The following TDRD12 variants were observed in gnomAD, a reference collection of about 807,000 sequenced individuals.
TDRD12 encodes putative ATP-dependent RNA helicase TDRD12.
TDRD12 carries 158 observed loss-of-function variants against 133.5 expected under a neutral mutation model. That is an observed-to-expected ratio of 1.18 (90% CI 1.04 to 1.35). TDRD12 has a LOEUF of 1.35. Among genes scored for constraint, TDRD12 ranks in the 40% most tolerant of loss-of-function variants. TDRD12 has a pLI of 0.00. For missense variants in TDRD12, 1,443 were observed against 1,321.3 expected, an observed-to-expected ratio of 1.09 and a Z score of -1.43; for synonymous variants, 460 against 477.9, an observed-to-expected ratio of 0.96 and a Z score of 0.49.
At chr19:32,819,314 C>CA (rs57431026) in intron 27 of TDRD12, among the ~76,000 whole-genome samples, 32,346 of 134,986 alleles carry the variant, frequency 0.24, 3,835 homozygotes, top group East Asian at 0.45. Flanking sequence ...GACCTTGTCT[C>CA]AAAAAAAAAA....
intron 4 of TDRD12, among the ~76,000 whole-genome samples, chr19:32,743,715 A>G (rs1969505280): frequency 6.6e-6 from 1 of 151,680 alleles, no homozygotes; most frequent in Non-Finnish European, 1.5e-5. Flanking sequence ...ATACTGTCCT[A>G]TTTGCAGAAT....
chr19:32,820,282 C>T (rs1056874920), intron 27 of TDRD12, among the ~76,000 whole-genome samples: 3 of 152,084 alleles, frequency 2.0e-5, no homozygotes, highest in South Asian at 4.1e-4. Context: ...TGTGTTTGCT[C>T]ATTTAGGCTT....
At chr19:32,735,471 G>A (rs1969195998) in intron 2 of TDRD12, among the ~76,000 whole-genome samples, 1 of 152,214 alleles carries the variant, frequency 6.6e-6, no homozygotes, top group Non-Finnish European at 1.5e-5. Context: ...GCTAGCGGAG[G>A]TTGGTTCATG....
rs758674874 is a variant in TDRD12, at chr19:32,731,790, C to T, written c.90C>T (p.Val30=). ...GTAGTCCCTTTTTAGATCATGATGTCGATTATCAAAAATTAAATAGTGCCA... is the reference window on the plus strand; with the variant it reads ...GTAGTCCCTTTTTAGATCATGATGTTGATTATCAAAAATTAAATAGTGCCA... The change falls in exon 2 of 28, where the codon GTC becomes GTT. Residue 30 remains valine (V), a synonymous_variant. Transcript: ENST00000444215. 28 of 1,550,964 alleles carry T rather than the reference C, an allele frequency of 1.8e-5. 1 individual carries two copies. The highest frequency in any genetic ancestry group is 1.1e-4 in the South Asian group (9 of 83,938).
chr19:32,810,362 A>G (rs1387751594), intron 23 of TDRD12, 85 bp downstream of exon 23: 130 of 1,154,696 alleles, frequency 1.1e-4, no homozygotes, highest in Non-Finnish European at 1.5e-4. Flanking sequence ...ACCTCTGTCC[A>G]TTTGACTGAG....
At chr19:32,723,657 C>T (rs1317791843) in intron 1 of TDRD12, among the ~76,000 whole-genome samples, 1 of 143,028 alleles carries the variant, frequency 7.0e-6, no homozygotes, top group Non-Finnish European at 1.5e-5. Context: ...TAATTGCTTG[C>T]TGAGTCTACC....
At chr19:32,798,539 T>A in intron 16 of TDRD12, 104 bp downstream of exon 16, 1 of 925,680 alleles carries the variant, frequency 1.1e-6, no homozygotes, top group Non-Finnish European at 1.5e-6. Flanking sequence ...ATACATTGGT[T>A]AATCTAAAAA....
At chr19:32,729,797 T>C (rs1968988407) in intron 1 of TDRD12, among the ~76,000 whole-genome samples, 2 of 131,474 alleles carry the variant, frequency 1.5e-5, no homozygotes, top group African/African-American at 3.0e-5. Flanking sequence ...TTTTTTTTTT[T>C]TTTTTTTTTG....
chr19:32,795,411 A>G (rs148641974), intron 14 of TDRD12, among the ~76,000 whole-genome samples: 9 of 152,164 alleles, frequency 5.9e-5, no homozygotes, highest in South Asian at 2.1e-4. Flanking sequence ...ACCTGAGTCT[A>G]TCTATCCATC....
intron 4 of TDRD12, among the ~76,000 whole-genome samples, chr19:32,743,528 A>G (rs1406676295): frequency 6.6e-6 from 1 of 152,028 alleles, no homozygotes; most frequent in Non-Finnish European, 1.5e-5. Context: ...GATTCCAGGC[A>G]TGAACCACTG....
chr19:32,726,656 T>C (rs1234619184), intron 1 of TDRD12, among the ~76,000 whole-genome samples: 1 of 151,550 alleles, frequency 6.6e-6, no homozygotes. Flanking sequence ...GAGGCTGAGG[T>C]GGGAGGATTG....
chr19:32,742,656 CAGAA>C lies in TDRD12; in HGVS notation c.321-120_321-117del, dbSNP rs1484100530. On this transcript the variant is annotated intron_variant, in intron 3 of 27. Transcript: ENST00000444215. The stretch of plus-strand genomic sequence containing the variant: ...GCACTGTTGGTGGCCATATTAGAAA[CAGAA>C]AGAATTGTTTTTTGTGTGTTTTGTT... The C allele has an allele frequency of 5.6e-6, 6 of 1,080,600 alleles. No individual in the cohort carries two copies. The African/African-American group carries it at 6.4e-5, about 12-fold the overall frequency. 66.9% of individuals were successfully genotyped at this position (1,080,600 alleles called of 1,614,324 possible). A position where few individuals can be genotyped will look rare whatever the true frequency, so the allele number is the denominator to read the frequency against.
chr19:32,788,254 G>A (rs749952053), intron 11 of TDRD12, among the ~76,000 whole-genome samples: 31 of 151,816 alleles, frequency 2.0e-4, no homozygotes, highest in Non-Finnish European at 4.3e-4. Flanking sequence ...TGGGATTACA[G>A]GTGCCTGCCA....
chr19:32,800,490 T>TA, intron 17 of TDRD12, 132 bp downstream of exon 17: 1 of 972,378 alleles, frequency 1.0e-6, no homozygotes, highest in Non-Finnish European at 1.5e-6. Context: ...ATTTCATATA[T>TA]AAATTATGAA....
At chr19:32,776,776 C>G (rs1234298723) in intron 10 of TDRD12, among the ~76,000 whole-genome samples, 1 of 152,344 alleles carries the variant, frequency 6.6e-6, no homozygotes, top group Non-Finnish European at 1.5e-5. Context: ...GGACTAAGCT[C>G]CAGTTCTCAC....
chr19:32,765,798 G>A (rs1183200586), intron 8 of TDRD12, among the ~76,000 whole-genome samples: 2 of 151,388 alleles, frequency 1.3e-5, no homozygotes, highest in African/African-American at 4.9e-5. Context: ...TAAATGACAA[G>A]TTAATGGGTG....
intron 3 of TDRD12, among the ~76,000 whole-genome samples, chr19:32,739,779 C>G (rs1182206761): frequency 8.1e-6 from 1 of 123,058 alleles, no homozygotes; most frequent in East Asian, 2.8e-4. Context: ...CTGGTGCTCT[C>G]TCTGCATCTC....
downstream of TDRD12, chr19:32,824,572 C>T (rs1182641954): frequency 6.6e-6 from 1 of 152,406 alleles, no homozygotes; most frequent in East Asian, 1.9e-4. Flanking sequence ...CACGCTGGAC[C>T]TGGGTCTAAG....
chr19:32,719,796 T>TGCGGGAG (rs983337777), exon 1 of TDRD12: 292 of 554,108 alleles, frequency 5.3e-4, no homozygotes, highest in Non-Finnish European at 6.8e-4. Context: ...ATCCGGTGGG[T>TGCGGGAG]GCGGGAGGCC....
Sources: allele counts gnomAD v4.1 joint callset (sites outside exome capture counted in the v4.1 genomes callset), GRCh38; gene constraint gnomAD v4.1.1; transcripts MANE v1.5; gene names NCBI Gene and HGNC (gene_info 2026-07-23, HGNC 2026-07-21).